SLC17A2: variants seen among roughly 807,000 people sequenced by gnomAD.
SLC17A2 encodes sodium-dependent phosphate transport protein 3.
Under a neutral mutation model 52.1 loss-of-function variants are expected in SLC17A2, and 38 were observed. The ratio of observed to expected loss-of-function variants is 0.73; its 90% confidence interval spans 0.56 to 0.96. The LOEUF (loss-of-function observed/expected upper bound fraction) is 0.96, where lower values mean the gene tolerates loss of function less well. Ranked by LOEUF, SLC17A2 falls within the 40% of genes least tolerant of loss-of-function variation. The pLI, the probability that SLC17A2 is intolerant of heterozygous loss-of-function variation, is 0.00. For synonymous variants in SLC17A2, 226 were observed against 211.9 expected (o/e 1.07, Z -0.58); for missense variants, 508 against 583.9 (o/e 0.87, Z 1.34).
intron 5 of SLC17A2, among the ~76,000 whole-genome samples, chr6:25,920,312 T>C (rs1367939484): frequency 6.6e-6 from 1 of 152,140 alleles, no homozygotes; most frequent in East Asian, 1.9e-4. Context: ...ACAGCAATGA[T>C]AAAGCTGTAG....
At chr6:25,929,368 T>A (rs1190845503) in intron 1 of SLC17A2, among the ~76,000 whole-genome samples, 1 of 152,188 alleles carries the variant, frequency 6.6e-6, no homozygotes, top group Non-Finnish European at 1.5e-5. Flanking sequence ...AAGTGTTATA[T>A]GTTGTATAAT....
chr6:25,923,187 A>AG (rs1766623873), intron 3 of SLC17A2, among the ~76,000 whole-genome samples: 1 of 151,374 alleles, frequency 6.6e-6, no homozygotes, highest in African/African-American at 2.4e-5. Flanking sequence ...ACTCTATCTC[A>AG]AAAAACAAAC....
At chr6:25,923,297 G>A (rs1766627342) in intron 3 of SLC17A2, among the ~76,000 whole-genome samples, 1 of 152,158 alleles carries the variant, frequency 6.6e-6, no homozygotes, top group Non-Finnish European at 1.5e-5. Flanking sequence ...CAAAGCTATG[G>A]ACAAGAATCG....
chr6:25,926,363 G>A (rs1457747843), intron 1 of SLC17A2, among the ~76,000 whole-genome samples: 1 of 152,014 alleles, frequency 6.6e-6, no homozygotes, highest in African/African-American at 2.4e-5. Context: ...ATGTGCCTTC[G>A]AACATGAAGG....
At chr6:25,915,408 T>C in intron 10 of SLC17A2, 91 bp downstream of exon 10, 4 of 1,110,758 alleles carry the variant, frequency 3.6e-6, no homozygotes, top group Non-Finnish European at 5.0e-6. Context: ...TAGTGCAATG[T>C]CAGTAACATT....
chr6:25,926,160 T>A (rs1766756172), intron 1 of SLC17A2, among the ~76,000 whole-genome samples: 1 of 152,154 alleles, frequency 6.6e-6, no homozygotes, highest in Admixed American at 6.5e-5. Flanking sequence ...CTGGAAGAAT[T>A]AAATGAAAAA....
chr6:25,928,019 C>G (rs983365321), intron 1 of SLC17A2, among the ~76,000 whole-genome samples: 42 of 152,266 alleles, frequency 2.8e-4, no homozygotes, highest in African/African-American at 1.0e-3. Flanking sequence ...CAATTACTTA[C>G]ACTCCACTTA....
intron 8 of SLC17A2, 40 bp from the exon 9 acceptor site, chr6:25,915,908 C>G: frequency 1.3e-6 from 2 of 1,590,372 alleles, no homozygotes; most frequent in African/African-American, 1.4e-5. Flanking sequence ...TATAGAGATA[C>G]GTTAGCACCA....
Position 25,922,790 on chromosome 6 carries a change from A to G in SLC17A2, c.240+905T>C, listed in dbSNP as rs182625109. ...AAAATAAACATACAACAAAGATTTT[A>G]TTTAACTCATTGATTAATGGAGGAA... On this transcript the variant is annotated intron_variant, in intron 3 of 11. Coordinates refer to ENST00000377850, the MANE Select transcript of SLC17A2 (RefSeq NM_001286123.3). 3.9e-5 allele frequency among the ~76,000 whole-genome samples: 6 copies of G among 152,332 alleles called. No individual in the cohort carries two copies. The East Asian group carries it at 1.2e-3, about 29-fold the overall frequency.
At position 25,914,529 on chromosome 6, in the gene SLC17A2, A is replaced by G. The variant is rs766069411; in HGVS notation, c.1302+51T>C. On this transcript the variant is annotated intron_variant, in intron 11 of 11. Transcript: ENST00000377850. ...CTTTAGAGCACCGTGTGTATCTCCA[A>G]CACCTAAAACAATACCTGCCACTTG... The G allele has an allele frequency of 9.4e-6, 11 of 1,166,720 alleles. No homozygotes were observed. The East Asian group carries it at 2.6e-4, about 27-fold the overall frequency. 72.3% of individuals were successfully genotyped at this position (1,166,720 alleles called of 1,614,324 possible). A position where few individuals can be genotyped will look rare whatever the true frequency, so the allele number is the denominator to read the frequency against.
intron 11 of SLC17A2, 107 bp downstream of exon 11, chr6:25,914,473 G>A: frequency 1.4e-6 from 1 of 735,690 alleles, no homozygotes; most frequent in Non-Finnish European, 2.4e-6. Context: ...AGAGGCTCAT[G>A]TAAATAGAGT....
chr6:25,914,451 A>G, intron 11 of SLC17A2, 129 bp downstream of exon 11: 3 of 651,868 alleles, frequency 4.6e-6, no homozygotes, highest in Non-Finnish European at 8.3e-6. Context: ...CTGACCTACC[A>G]GAGTCTGATT....
intron 2 of SLC17A2, among the ~76,000 whole-genome samples, chr6:25,924,972 TGATA>T (rs1766705353): frequency 6.6e-6 from 1 of 152,100 alleles, no homozygotes; most frequent in Non-Finnish European, 1.5e-5. Flanking sequence ...CCCATGTGCA[TGATA>T]GATTGGATTT....
intron 2 of SLC17A2, among the ~76,000 whole-genome samples, chr6:25,924,826 T>G (rs1378575813): frequency 6.7e-6 from 1 of 148,220 alleles, no homozygotes; most frequent in Admixed American, 6.8e-5. Flanking sequence ...AAAAAAAAAT[T>G]AATATGTAGA....
chr6:25,915,401 T>C (rs1561874124), intron 10 of SLC17A2, 98 bp downstream of exon 10: 8 of 1,045,398 alleles, frequency 7.7e-6, no homozygotes, highest in Non-Finnish European at 1.1e-5. Context: ...CTGCCATTAG[T>C]GCAATGTCAG....
chr6:25,917,792 C>T (rs1286295597), intron 6 of SLC17A2, among the ~76,000 whole-genome samples: 1 of 152,190 alleles, frequency 6.6e-6, no homozygotes, highest in Non-Finnish European at 1.5e-5. Context: ...TTCTTTAAAT[C>T]CCCTCTAATT....
chr6:25,923,206 A>C (rs1193937226), intron 3 of SLC17A2, among the ~76,000 whole-genome samples: 1 of 152,120 alleles, frequency 6.6e-6, no homozygotes, highest in African/African-American at 2.4e-5. Context: ...ACAAACAAAC[A>C]AACAGCAAAA....
chr6:25,917,281 CA>C (rs1171928767), intron 6 of SLC17A2, among the ~76,000 whole-genome samples, 194 bp from the exon 7 acceptor site: 2 of 152,168 alleles, frequency 1.3e-5, no homozygotes, highest in Non-Finnish European at 2.9e-5. Context: ...TATTACGTCT[CA>C]AATAGAAAGC....
intron 10 of SLC17A2, among the ~76,000 whole-genome samples, chr6:25,914,925 C>A (rs75391706): frequency 0.024 from 3,601 of 151,624 alleles, 122 homozygotes; most frequent in African/African-American, 0.071. Flanking sequence ...AGTGGAGAAG[C>A]CAGTTTGTGC....
Sources: allele counts gnomAD v4.1 joint callset (sites outside exome capture counted in the v4.1 genomes callset), GRCh38; gene constraint gnomAD v4.1.1; transcripts MANE v1.5; gene names NCBI Gene and HGNC (gene_info 2026-07-23, HGNC 2026-07-21).